Variants in ABCC9 observed in about 807,000 individuals in gnomAD.
ABCC9 encodes the protein ATP-binding cassette sub-family C member 9.
In ABCC9, 95 loss-of-function variants were observed where a neutral mutation model predicts 188.3. That is an observed-to-expected ratio of 0.50 (90% CI 0.43 to 0.60). ABCC9 has a LOEUF of 0.60. Ranked by LOEUF, ABCC9 falls within the 20% of genes least tolerant of loss-of-function variation. ABCC9 has a pLI of 0.00. For synonymous variants in ABCC9, 659 were observed against 652.7 expected (o/e 1.01, Z -0.15); for missense variants, 1,102 against 1,876.3 (o/e 0.59, Z 7.62).
chr12:21,801,302 G>T, intron 39 of ABCC9, 121 bp from the exon 40 acceptor site: 1 of 1,295,268 alleles, frequency 7.7e-7, no homozygotes, highest in Non-Finnish European at 1.1e-6. Context: ...GTGACAAGAT[G>T]TAGGGATCAC....
At chr12:21,931,565 C>T (rs1443351994) in intron 4 of ABCC9, among the ~76,000 whole-genome samples, 1 of 152,156 alleles carries the variant, frequency 6.6e-6, no homozygotes, top group East Asian at 1.9e-4. Context: ...CAAGTTTCTA[C>T]CATTAGGATA....
At chr12:21,836,327 G>T (rs1376568041) in intron 30 of ABCC9, among the ~76,000 whole-genome samples, 1 of 152,198 alleles carries the variant, frequency 6.6e-6, no homozygotes, top group Non-Finnish European at 1.5e-5. Context: ...TGCCCTTTGT[G>T]CACTGGCCTC....
At chr12:21,929,255 T>C (rs897917506) in intron 4 of ABCC9, among the ~76,000 whole-genome samples, 1 of 151,910 alleles carries the variant, frequency 6.6e-6, no homozygotes, top group African/African-American at 2.4e-5. Context: ...TTGACTATAA[T>C]AAAAATGCTA....
At chr12:21,913,231 T>A (rs1948404207) in intron 7 of ABCC9, among the ~76,000 whole-genome samples, 165 bp from the exon 8 acceptor site, 1 of 152,190 alleles carries the variant, frequency 6.6e-6, no homozygotes, top group Non-Finnish European at 1.5e-5. Flanking sequence ...CATAATTCTG[T>A]ATCCTTGCCT....
At chr12:21,899,460 G>A (rs1264670046) in intron 12 of ABCC9, among the ~76,000 whole-genome samples, 1 of 152,106 alleles carries the variant, frequency 6.6e-6, no homozygotes, top group Non-Finnish European at 1.5e-5. Flanking sequence ...TTGGACAGTG[G>A]GTGCAGGACA....
chr12:21,832,263 T>A (rs1479140388), intron 30 of ABCC9, among the ~76,000 whole-genome samples: 1 of 152,196 alleles, frequency 6.6e-6, no homozygotes, highest in Non-Finnish European at 1.5e-5. Flanking sequence ...CATTGCTTCA[T>A]GTGAGTACAC....
intron 18 of ABCC9, among the ~76,000 whole-genome samples, chr12:21,869,029 T>C (rs1278859807): frequency 6.6e-6 from 1 of 152,182 alleles, no homozygotes; most frequent in Non-Finnish European, 1.5e-5. Flanking sequence ...AGTAATTCTT[T>C]TAATTAAATA....
At chr12:21,931,807 A>T (rs1224559036) in intron 4 of ABCC9, among the ~76,000 whole-genome samples, 3 of 152,170 alleles carry the variant, frequency 2.0e-5, no homozygotes, top group African/African-American at 4.8e-5. Flanking sequence ...CCAGCATTTT[A>T]AACAGTTACC....
At chr12:21,835,013 C>A (rs1967534) in intron 30 of ABCC9, among the ~76,000 whole-genome samples, 84,337 of 151,802 alleles carry the variant, frequency 0.56, 23,841 homozygotes, top group Admixed American at 0.64. Context: ...TCAGGCTGGC[C>A]TATGTTGGGG....
Position 21,863,001 on chromosome 12 carries a change from G to A in ABCC9, c.2291C>T (p.Ala764Val), listed in dbSNP as rs767475566. ...YAAQKPWLLNATVEENITFGS... is the reference protein window; with the variant it reads ...YAAQKPWLLNVTVEENITFGS... ...AAAAGTAATATTTTCTTCTACTGTAGCATTTAATAGCCAAGGCTTTTGAGC... is the reference window on the plus strand; with the variant it reads ...AAAAGTAATATTTTCTTCTACTGTAACATTTAATAGCCAAGGCTTTTGAGC... Residue 764 changes from alanine to valine, a missense_variant, in exon 20 of 40, where the codon GCT (alanine) becomes GTT (valine). By Grantham distance (64) the Ala-to-Val change is moderately conservative. Coordinates refer to ENST00000261200, the MANE Select transcript of ABCC9 (RefSeq NM_020297.4). 1.4e-5 allele frequency: 23 copies of A among 1,612,572 alleles called. No individual in the cohort carries two copies. The South Asian group carries it at 2.5e-4, about 18-fold the overall frequency.
At chr12:21,834,537 C>T (rs1192945999) in intron 30 of ABCC9, among the ~76,000 whole-genome samples, 1 of 151,974 alleles carries the variant, frequency 6.6e-6, no homozygotes, top group Non-Finnish European at 1.5e-5. Context: ...GGATAAAGGG[C>T]TATCAAAAAT....
intron 18 of ABCC9, among the ~76,000 whole-genome samples, chr12:21,869,344 C>T (rs1226518571): frequency 2.0e-5 from 3 of 152,270 alleles, no homozygotes; most frequent in African/African-American, 7.2e-5. Flanking sequence ...ATCAAACTAC[C>T]TTCATCTCTC....
chr12:21,933,439 A>C (rs896751034), intron 4 of ABCC9, among the ~76,000 whole-genome samples: 5 of 152,018 alleles, frequency 3.3e-5, no homozygotes, highest in South Asian at 2.1e-4. Context: ...GGTTTGCATC[A>C]ATTTATGGCT....
intron 21 of ABCC9, 105 bp from the exon 22 acceptor site, chr12:21,859,771 T>C (rs1945412754): frequency 1.1e-6 from 1 of 935,274 alleles, no homozygotes; most frequent in South Asian, 1.3e-5. Flanking sequence ...CTTAGATTGA[T>C]AGTAACTTGT....
intron 31 of ABCC9, among the ~76,000 whole-genome samples, chr12:21,818,630 A>G (rs1942833793): frequency 1.4e-5 from 2 of 147,152 alleles, no homozygotes; most frequent in Non-Finnish European, 3.0e-5. Context: ...AACAAGGATC[A>G]GATGTAGGGT....
Position 21,882,846 on chromosome 12 carries a change from G to C in ABCC9, c.1939C>G (p.Pro647Ala), listed in dbSNP as rs767396331. The C allele has an allele frequency of 6.2e-7, 1 of 1,613,976 alleles. No individual in the cohort carries two copies. The highest frequency in any genetic ancestry group is 8.5e-7 in the Non-Finnish European group (1 of 1,179,906). The change falls in exon 16 of 40, where the codon CCT becomes GCT. Residue 647 changes from proline (P) to alanine (A), a missense_variant. By Grantham distance (27) the Pro-to-Ala change is conservative (BLOSUM62 -1). Around this residue, in one of 12 missense-constraint regions of ABCC9, gnomAD observed 258 missense variants for 325.6 expected, o/e 0.79. Coordinates refer to ENST00000261200, the MANE Select transcript of ABCC9 (RefSeq NM_020297.4). The part of the protein sequence containing the change: ...VQPKTINRKQ[P>A]GRYHLDSYEQ... Reference sequence around the variant, plus strand: ...TAGCTGTCCAGGTGATATCTTCCAGGCTGTTTCCTGTTTATAGTTTTTGGC... The same window carrying C: ...TAGCTGTCCAGGTGATATCTTCCAGCCTGTTTCCTGTTTATAGTTTTTGGC...
intron 31 of ABCC9, among the ~76,000 whole-genome samples, chr12:21,822,034 G>A (rs112073989): frequency 1.3e-4 from 19 of 151,964 alleles, no homozygotes; most frequent in East Asian, 3.9e-4. Flanking sequence ...TTTTTGACCC[G>A]GTCTTCAGCA....
At chr12:21,885,071 A>T in intron 15 of ABCC9, among the ~76,000 whole-genome samples, 1 of 152,166 alleles carries the variant, frequency 6.6e-6, no homozygotes, top group East Asian at 1.9e-4. Flanking sequence ...GTTGACAGAG[A>T]TTTGAGTCGA....
intron 3 of ABCC9, among the ~76,000 whole-genome samples, chr12:21,934,495 A>T (rs531086681): frequency 6.6e-6 from 1 of 152,236 alleles, no homozygotes; most frequent in African/African-American, 2.4e-5. Context: ...TGAGCTTTTA[A>T]GCAAGCTCAA....
Sources: allele counts gnomAD v4.1 joint callset (sites outside exome capture counted in the v4.1 genomes callset), GRCh38; gene constraint gnomAD v4.1.1; regional missense constraint gnomAD v4.1.1; transcripts MANE v1.5; gene names NCBI Gene and HGNC (gene_info 2026-07-23, HGNC 2026-07-21).